ADAM22: variants seen among roughly 807,000 people sequenced by gnomAD.
The protein encoded by ADAM22 is disintegrin and metalloproteinase domain-containing protein 22.
A neutral mutation model predicts 144.6 loss-of-function variants in ADAM22; 65 were observed. The ratio of observed to expected loss-of-function variants is 0.45; its 90% confidence interval spans 0.37 to 0.55. The LOEUF is 0.55. Among genes scored for constraint, ADAM22 ranks in the 20% least tolerant of loss-of-function variants. The pLI is 0.00. For missense variants in ADAM22, 974 were observed against 1,184.9 expected (o/e 0.82, Z 2.61); for synonymous variants, 391 against 412.6 (o/e 0.95, Z 0.63).
At chr7:88,018,283 TTGTTGTTTCA>T (rs1373625531) in intron 3 of ADAM22, among the ~76,000 whole-genome samples, 1 of 152,166 alleles carries the variant, frequency 6.6e-6, no homozygotes, top group African/African-American at 2.4e-5. Context: ...ACCGTTCTCT[TTGTTGTTTCA>T]TGTTGTTTGA....
chr7:88,010,445 A>G (rs1250742908), intron 3 of ADAM22, among the ~76,000 whole-genome samples: 3 of 152,070 alleles, frequency 2.0e-5, no homozygotes, highest in Non-Finnish European at 1.5e-5. Context: ...TATATATTCG[A>G]ACAGTGTCAT....
chr7:88,087,546 A>C (rs1412214878), intron 4 of ADAM22, among the ~76,000 whole-genome samples: 2 of 152,168 alleles, frequency 1.3e-5, no homozygotes, highest in Non-Finnish European at 2.9e-5. Flanking sequence ...ATGTGTGTAG[A>C]TGGGGCAGGG....
At chr7:87,944,975 C>G (rs1006893788) in intron 2 of ADAM22, among the ~76,000 whole-genome samples, 1 of 134,998 alleles carries the variant, frequency 7.4e-6, no homozygotes, top group African/African-American at 3.0e-5. Context: ...CCTCCTCTTT[C>G]TTTACCTTCT....
intron 3 of ADAM22, among the ~76,000 whole-genome samples, chr7:88,019,423 C>T (rs1010612238): frequency 5.9e-5 from 9 of 151,942 alleles, no homozygotes; most frequent in Admixed American, 4.6e-4. Flanking sequence ...TGCAGTGAGC[C>T]GAGATCATGC....
chr7:87,944,256 A>C (rs546944295), intron 2 of ADAM22, among the ~76,000 whole-genome samples: 1 of 151,734 alleles, frequency 6.6e-6, no homozygotes, highest in Non-Finnish European at 1.5e-5. Context: ...GGATGAGGTT[A>C]GGATGTTGGG....
intron 14 of ADAM22, among the ~76,000 whole-genome samples, chr7:88,138,049 G>A (rs1246226065): frequency 6.6e-6 from 1 of 152,136 alleles, no homozygotes; most frequent in African/African-American, 2.4e-5. Flanking sequence ...AGCTACTTGG[G>A]AGGCTGAGGT....
intron 3 of ADAM22, among the ~76,000 whole-genome samples, chr7:88,011,271 A>AC (rs1795305608): frequency 6.6e-6 from 1 of 152,206 alleles, no homozygotes; most frequent in Non-Finnish European, 1.5e-5. Flanking sequence ...CATTGAAATT[A>AC]AAAACACTGC....
intron 2 of ADAM22, among the ~76,000 whole-genome samples, chr7:87,961,603 G>T (rs908673239): frequency 6.6e-6 from 1 of 152,122 alleles, no homozygotes; most frequent in Admixed American, 6.5e-5. Context: ...TACTCCTTTT[G>T]CAGGATGTTT....
intron 4 of ADAM22, among the ~76,000 whole-genome samples, chr7:88,106,555 G>A (rs3753104): frequency 6.6e-6 from 1 of 151,662 alleles, no homozygotes; most frequent in Non-Finnish European, 1.5e-5. Flanking sequence ...TAACATTTGC[G>A]CCTTTAAACC....
chr7:88,129,894 C>T (rs1161440005), intron 9 of ADAM22, among the ~76,000 whole-genome samples: 1 of 152,104 alleles, frequency 6.6e-6, no homozygotes, highest in African/African-American at 2.4e-5. Flanking sequence ...TATATGTGAT[C>T]CACATCTGCC....
rs11351127 is a variant in ADAM22 at position 87,974,303 on chromosome 7, C to CA, written c.247-4018dup. 6.8e-4 allele frequency among the ~76,000 whole-genome samples: 76 copies of CA among 112,282 alleles called. 1 individual carries two copies. The highest frequency in any genetic ancestry group is 4.5e-3 in the Middle Eastern group (1 of 224). 73.7% of individuals were successfully genotyped at this position (112,282 alleles called of 152,430 possible). On this transcript the variant is annotated intron_variant, in intron 2 of 31. Coordinates refer to ENST00000413139, the MANE Select transcript of ADAM22 (RefSeq NM_001324418.2). ...TGGGCGACAGAGCGAGACTCTGTCTCAAAAAAAAAAAAAAAGAAAAAAAAT... is the reference window on the plus strand; with the variant it reads ...TGGGCGACAGAGCGAGACTCTGTCTCAAAAAAAAAAAAAAAAGAAAAAAAAT...
At chr7:88,188,145 T>G (rs979835572) in intron 30 of ADAM22, among the ~76,000 whole-genome samples, 2 of 152,116 alleles carry the variant, frequency 1.3e-5, no homozygotes, top group African/African-American at 4.8e-5. Flanking sequence ...GATTGTAATT[T>G]GTACCAGCCA....
chr7:87,982,149 G>T (rs1040806942), intron 3 of ADAM22, among the ~76,000 whole-genome samples: 1 of 147,800 alleles, frequency 6.8e-6, no homozygotes, highest in Non-Finnish European at 1.5e-5. Context: ...AATGCTAAAA[G>T]CTTCTCTAGA....
intron 2 of ADAM22, among the ~76,000 whole-genome samples, chr7:87,944,670 C>T (rs1843139010): frequency 1.3e-5 from 2 of 152,080 alleles, no homozygotes; most frequent in South Asian, 4.1e-4. Context: ...AATCAGAGAG[C>T]AAATGATCAA....
At chr7:88,162,891 G>C (rs1842062768) in intron 22 of ADAM22, 121 bp from the exon 23 acceptor site, 2 of 976,278 alleles carry the variant, frequency 2.0e-6, no homozygotes, top group African/African-American at 3.4e-5. Context: ...TATGCTACTG[G>C]TCTTTAATAA....
At chr7:88,089,257 A>AAT (rs755961892) in intron 4 of ADAM22, among the ~76,000 whole-genome samples, 2 of 152,056 alleles carry the variant, frequency 1.3e-5, no homozygotes, top group South Asian at 2.1e-4. Flanking sequence ...TAAGCAATTA[A>AAT]ATATATATAT....
At chr7:88,132,137 TTTTTTTTTTG>T (rs1831961672) in intron 11 of ADAM22, 1 of 141,886 alleles carries the variant, frequency 7.0e-6, no homozygotes, top group African/African-American at 2.8e-5. Flanking sequence ...CATCCTTCAG[TTTTTTTTTTG>T]TTTTTTTTTG....
rs73397618 is a variant in ADAM22, at chr7:88,200,737, G to C, written c.*4246G>C. The C allele has an allele frequency of 2.6e-5, 4 of 152,140 alleles. No homozygotes were observed. The highest frequency in any genetic ancestry group is 7.2e-5 in the African/African-American group (3 of 41,420). The allele number at this position is 152,140 out of a possible 1,614,324, so 9.4% of individuals were successfully genotyped here. A position where few individuals can be genotyped will look rare whatever the true frequency, so the allele number is the denominator to read the frequency against. Reference sequence around the variant, plus strand: ...TGTATAAGAAGTAAACACTTCCGTGGAATAGGGCTTAATTTGGGGCTCAAA... The same window carrying C: ...TGTATAAGAAGTAAACACTTCCGTGCAATAGGGCTTAATTTGGGGCTCAAA... On this transcript the variant is annotated 3_prime_UTR_variant, in exon 32 of 32. Transcript: ENST00000413139.
chr7:87,953,946 CAG>C (rs1845935216), intron 2 of ADAM22, among the ~76,000 whole-genome samples: 1 of 152,126 alleles, frequency 6.6e-6, no homozygotes, highest in Non-Finnish European at 1.5e-5. Context: ...TCTGTTTTAT[CAG>C]AGACTAGGAT....
Sources: gnomAD v4.1 joint callset for allele counts (sites outside exome capture counted in the v4.1 genomes callset) on GRCh38, gnomAD v4.1.1 for gene constraint, MANE v1.5 for transcripts, NCBI Gene and HGNC (gene_info 2026-07-23, HGNC 2026-07-21) for gene names.